The following ESPN variants were observed in gnomAD, a reference collection of about 807,000 sequenced individuals.
ESPN encodes the protein autosomal recessive deafness type 36 protein.
A neutral mutation model predicts 77.7 loss-of-function variants in ESPN; 68 were observed. That is an observed-to-expected ratio of 0.87 (90% CI 0.72 to 1.07). The LOEUF (loss-of-function observed/expected upper bound fraction) is 1.07, where lower values mean the gene tolerates loss of function less well. ESPN is among the 50% of genes least tolerant of loss of function. The pLI, the probability that ESPN is intolerant of heterozygous loss-of-function variation, is 0.00. For missense variants in ESPN, 1,060 were observed against 1,239.0 expected (o/e 0.86, Z 2.17); for synonymous variants, 449 against 567.1 (o/e 0.79, Z 2.96).
chr1:6,450,551 G>A lies in ESPN; in HGVS notation c.1916-1052G>A, dbSNP rs914172313. On this transcript the variant is annotated intron_variant, in intron 8 of 12. Coordinates refer to ENST00000645284, the MANE Select transcript of ESPN (RefSeq NM_031475.3). This position sits in a 1 kb window ranked among gnomAD's most constrained non-coding sequence, Gnocchi z 4.3. The stretch of plus-strand genomic sequence containing the variant: ...GAGGCAGGAAAAGCAAGGCAGAAGG[G>A]GCCCAGACTTGAGGAAAGGGCAGGG... The A allele has an allele frequency of 1.9e-4, 144 of 760,766 alleles. No individual in the cohort carries two copies. Among genetic ancestry groups the A allele is most frequent in the Non-Finnish European group, 2.2e-4 (138 of 624,368 alleles). The allele number at this position is 760,766 out of a possible 1,614,324, so 47.1% of individuals were successfully genotyped here.
Position 6,447,799 on chromosome 1 carries a change from C to T in ESPN, c.1465-842C>T, listed in dbSNP as rs1643876597. On this transcript the variant is annotated intron_variant, in intron 7 of 12. Transcript: ENST00000645284. The surrounding 1 kb of genome is among the most constrained non-coding windows in gnomAD (Gnocchi z 5.2). ...CTCTGCCCACAGTCAGCCCTCTCCC[C>T]TCTCGGGCGGGGATGAAGGTGGGGG... Among the ~76,000 whole-genome samples the T allele has an allele frequency of 1.3e-5, 2 of 151,976 alleles. No individual in the cohort carries two copies. The highest frequency in any genetic ancestry group is 2.4e-5 in the African/African-American group (1 of 41,388).
In ESPN at chr1:6,450,223, C is replaced by T. The variant is rs991958758; in HGVS notation, c.1915+1132C>T. Among the ~76,000 whole-genome samples the T allele has an allele frequency of 5.3e-5, 8 of 152,180 alleles. No homozygotes were observed. Among genetic ancestry groups the T allele is most frequent in the African/African-American group, 1.9e-4 (8 of 41,434 alleles). ...TAGAGCCAGTGGTGGCCCTGCCCAG[C>T]CCTCAGGGGCACCAGCCAAGCCAGG... On this transcript the variant is annotated intron_variant, in intron 8 of 12. Coordinates refer to ENST00000645284, the MANE Select transcript of ESPN (RefSeq NM_031475.3). This position sits in a 1 kb window ranked among gnomAD's most constrained non-coding sequence, Gnocchi z 4.3.
At chr1:6,445,592 T>C in intron 6 of ESPN, 72 bp from the exon 7 acceptor site, 1 of 1,538,974 alleles carries the variant, frequency 6.5e-7, no homozygotes, top group South Asian at 1.2e-5. Context: ...TTCCAGGTGG[T>C]GGAGAGTCTC....
At chr1:6,439,727 G>C (rs1056405884) in intron 2 of ESPN, among the ~76,000 whole-genome samples, 1 of 152,026 alleles carries the variant, frequency 6.6e-6, no homozygotes, top group Admixed American at 6.5e-5. Context: ...TAAAAAGTGG[G>C]ACTGAGCCTG....
At position 6,451,260 on chromosome 1, in the gene ESPN, G is replaced by A; in HGVS notation, c.1916-343G>A. ...AGGGAACCTGGGACAAAGGTCAGGTGGCTGATTCCAGGTAGTGTTTTGGAG... is the reference window on the plus strand; with the variant it reads ...AGGGAACCTGGGACAAAGGTCAGGTAGCTGATTCCAGGTAGTGTTTTGGAG... On this transcript the variant is annotated intron_variant, in intron 8 of 12. Transcript: ENST00000645284. This position sits in a 1 kb window ranked among gnomAD's most constrained non-coding sequence, Gnocchi z 4.3. The A allele has an allele frequency of 2.5e-6, 1 of 403,844 alleles. No homozygotes were observed. The highest frequency in any genetic ancestry group is 2.2e-5 in the South Asian group (1 of 46,176). 25.0% of individuals were successfully genotyped at this position (403,844 alleles called of 1,614,324 possible). A position where few individuals can be genotyped will look rare whatever the true frequency, so the allele number is the denominator to read the frequency against.
chr1:6,425,879 G>A (rs1163350931), intron 1 of ESPN, among the ~76,000 whole-genome samples: 1 of 152,244 alleles, frequency 6.6e-6, no homozygotes, highest in African/African-American at 2.4e-5. Context: ...CTGAGAAGCA[G>A]GTAGCCAGGC....
At chr1:6,431,451 A>G (rs1390038720) in intron 2 of ESPN, among the ~76,000 whole-genome samples, 1 of 152,046 alleles carries the variant, frequency 6.6e-6, no homozygotes, top group Non-Finnish European at 1.5e-5. Context: ...TCTACCAAAA[A>G]TACAAAAATT....
chr1:6,449,226 C>T, intron 8 of ESPN, 135 bp downstream of exon 8: 1 of 912,656 alleles, frequency 1.1e-6, no homozygotes, highest in Non-Finnish European at 1.5e-6. Flanking sequence ...CACCCCTACC[C>T]CATTGAGTAC....
intron 10 of ESPN, among the ~76,000 whole-genome samples, chr1:6,453,068 A>G (rs1297567290): frequency 3.9e-5 from 6 of 152,036 alleles, no homozygotes; most frequent in Admixed American, 3.3e-4. Context: ...TAATTTTTGT[A>G]TTCTTAGTAG....
At chr1:6,453,288 T>G (rs553197658) in intron 10 of ESPN, among the ~76,000 whole-genome samples, 2 of 152,202 alleles carry the variant, frequency 1.3e-5, no homozygotes, top group African/African-American at 4.8e-5. Flanking sequence ...TGCGGACATG[T>G]GTGCGAGTCA....
Position 6,427,743 on chromosome 1 carries a change from G to A in ESPN, c.295-483G>A, listed in dbSNP as rs1643092958. Among the ~76,000 whole-genome samples, 1 of 151,854 alleles carries A rather than the reference G, an allele frequency of 6.6e-6. No homozygotes were observed. On this transcript the variant is annotated intron_variant, in intron 1 of 12. Transcript: ENST00000645284. The surrounding 1 kb of genome is among the most constrained non-coding windows in gnomAD (Gnocchi z 4.6). ...CACCGAGGAAGGGTGGAGAGATCGGGGGCAAGTGTTGGATGCAGGGGGTGA... is the reference window on the plus strand; with the variant it reads ...CACCGAGGAAGGGTGGAGAGATCGGAGGCAAGTGTTGGATGCAGGGGGTGA...
intron 2 of ESPN, 71 bp from the exon 3 acceptor site, chr1:6,440,183 T>A (rs1643567836): frequency 1.3e-6 from 2 of 1,482,186 alleles, no homozygotes; most frequent in South Asian, 2.4e-5. Flanking sequence ...CGGGACGGGA[T>A]GGGGGCGGGT....
rs745458179 is a variant in ESPN, at chr1:6,457,269, C to G, written c.2405+6C>G. The G allele has an allele frequency of 2.5e-6, 4 of 1,614,174 alleles. No individual in the cohort carries two copies. The highest frequency in any genetic ancestry group is 2.2e-5 in the South Asian group (2 of 91,086). ...AAGAAGCTGGAAGAAGAGAGGTGAG[C>G]TGGGGGTCAGGCAGAGGCTGGCCTG... On this transcript the variant is annotated splice_donor_region_variant and intron_variant, in intron 11 of 12. Coordinates refer to ENST00000645284, the MANE Select transcript of ESPN (RefSeq NM_031475.3).
chr1:6,452,199 TTTC>T, intron 10 of ESPN, 103 bp downstream of exon 10: 3 of 1,309,100 alleles, frequency 2.3e-6, no homozygotes, highest in Non-Finnish European at 3.0e-6. Flanking sequence ...TCCCATTTTC[TTTC>T]TTTTTTTTTT....
intron 5 of ESPN, chr1:6,442,886 AAAG>A (rs1233846752): frequency 6.7e-6 from 1 of 148,290 alleles, no homozygotes; most frequent in Non-Finnish European, 1.5e-5. Context: ...AAAAAAAAAA[AAAG>A]GTTGAGAGGC....
Position 6,425,154 on chromosome 1 carries a change from G to T in ESPN, c.199G>T (p.Ala67Ser). The T allele has an allele frequency of 4.6e-6, 7 of 1,514,296 alleles. No homozygotes were observed. Among genetic ancestry groups the T allele is most frequent in the South Asian group, 1.2e-5 (1 of 82,004 alleles). The allele number at this position is 1,514,296 out of a possible 1,614,324, so 93.8% of individuals were successfully genotyped here. ...EEAALPAAAR[A>S]RNGATPAHDA... ...AGCCGCCCTCCCCGCCGCGGCCCGC[G>T]CCCGCAACGGCGCCACACCGGCCCA... The change falls in exon 1 of 13, where the codon GCC becomes TCC. Residue 67 changes from alanine to serine, a missense_variant. Ala to Ser is a moderately conservative substitution (Grantham distance 99). Coordinates refer to ENST00000645284, the MANE Select transcript of ESPN (RefSeq NM_031475.3).
At chr1:6,454,661 G>C (rs1383685202) in intron 10 of ESPN, 2 of 398,854 alleles carry the variant, frequency 5.0e-6, no homozygotes, top group East Asian at 7.1e-5. Context: ...CGGCCGCCCT[G>C]TCGGCGCCGC....
chr1:6,460,014 A>G lies in ESPN; in HGVS notation c.2433A>G (p.Arg811=). 6.2e-7 allele frequency: 1 copy of G among 1,613,584 alleles called. No individual in the cohort carries two copies. The highest frequency in any genetic ancestry group is 8.5e-7 in the Non-Finnish European group (1 of 1,180,000). Reference sequence around the variant, plus strand: ...ACTGCCTCAGGAAAGAGGAGGAGCGACAGAAGCAGGAGGAGCTGCGGCGGG... The same window carrying G: ...ACTGCCTCAGGAAAGAGGAGGAGCGGCAGAAGCAGGAGGAGCTGCGGCGGG... The part of the protein sequence containing the change: ...EREQKRKEEE[R]QKQEELRREK... The change falls in exon 13 of 13, where the codon CGA becomes CGG. Residue 811 remains arginine, a synonymous_variant. Coordinates refer to ENST00000645284, the MANE Select transcript of ESPN (RefSeq NM_031475.3).
At chr1:6,455,097 C>A in intron 10 of ESPN, 1 of 385,492 alleles carries the variant, frequency 2.6e-6, no homozygotes, top group Non-Finnish European at 4.6e-6. Context: ...CCGCTCTGGC[C>A]AGCCCAGCGC....
Sources: allele counts gnomAD v4.1 joint callset (sites outside exome capture counted in the v4.1 genomes callset), GRCh38; gene constraint gnomAD v4.1.1; non-coding constraint Gnocchi (gnomAD v3.1); transcripts MANE v1.5; gene names NCBI Gene and HGNC (gene_info 2026-07-23, HGNC 2026-07-21).